Variants in TBCK observed in about 807,000 individuals in gnomAD.
TBCK encodes the protein TBC1 domain containing kinase, also known as TBC domain-containing protein kinase-like protein.
Under a neutral mutation model 113.4 loss-of-function variants are expected in TBCK, and 99 were observed. That is an observed-to-expected ratio of 0.87 (90% confidence interval 0.74 to 1.03). The LOEUF is 1.03. Ranked by LOEUF, TBCK falls within the 50% of genes least tolerant of loss-of-function variation. TBCK has a pLI of 0.00. For synonymous variants in TBCK, 369 were observed against 370.8 expected (o/e 1.00, Z 0.05); for missense variants, 1,045 against 1,061.3 (o/e 0.98, Z 0.21).
chr4:106,105,227 T>C (rs2149538730), intron 24 of TBCK, among the ~76,000 whole-genome samples: 1 of 152,262 alleles, frequency 6.6e-6, no homozygotes, highest in South Asian at 2.1e-4. Flanking sequence ...CCAAAACTCA[T>C]CACCAGACAG....
intron 23 of TBCK, among the ~76,000 whole-genome samples, chr4:106,150,633 T>G (rs574703922): frequency 6.6e-6 from 1 of 152,192 alleles, no homozygotes; most frequent in African/African-American, 2.4e-5. Flanking sequence ...AACTATATGC[T>G]AGGGGCTAAG....
intron 25 of TBCK, among the ~76,000 whole-genome samples, chr4:106,091,241 G>A (rs965531048): frequency 3.3e-5 from 5 of 152,218 alleles, no homozygotes; most frequent in Non-Finnish European, 5.9e-5. Context: ...CACATGGCAT[G>A]AGCAGGAACA....
chr4:106,280,708 CTT>C (rs1199461970), intron 3 of TBCK, among the ~76,000 whole-genome samples: 2 of 152,086 alleles, frequency 1.3e-5, no homozygotes, highest in Non-Finnish European at 2.9e-5. Flanking sequence ...AATTTATGCT[CTT>C]GACGCCTTTG....
At chr4:106,078,955 T>C (rs1738542113) in intron 25 of TBCK, among the ~76,000 whole-genome samples, 1 of 152,226 alleles carries the variant, frequency 6.6e-6, no homozygotes, top group African/African-American at 2.4e-5. Context: ...ATAGGCCATA[T>C]TCCTGGGATG....
intron 3 of TBCK, among the ~76,000 whole-genome samples, chr4:106,276,984 C>G (rs1261147918): frequency 6.6e-6 from 1 of 151,978 alleles, no homozygotes; most frequent in Non-Finnish European, 1.5e-5. Context: ...AGAGAATACA[C>G]AAAGAATGCC....
intron 23 of TBCK, among the ~76,000 whole-genome samples, chr4:106,135,047 T>C (rs971973410): frequency 6.6e-6 from 1 of 152,126 alleles, no homozygotes; most frequent in Non-Finnish European, 1.5e-5. Flanking sequence ...AAAATCGTCT[T>C]AATATCATCT....
intron 23 of TBCK, among the ~76,000 whole-genome samples, chr4:106,167,449 T>G (rs1750529469): frequency 6.6e-6 from 1 of 151,252 alleles, no homozygotes; most frequent in African/African-American, 2.4e-5. Context: ...CTAAAATCAA[T>G]GATCTAAGCT....
intron 3 of TBCK, among the ~76,000 whole-genome samples, chr4:106,294,667 G>A (rs977810341): frequency 1.3e-5 from 2 of 151,748 alleles, no homozygotes; most frequent in African/African-American, 4.8e-5. Context: ...ATTTTTAGTA[G>A]AGACAGGGTT....
intron 3 of TBCK, among the ~76,000 whole-genome samples, chr4:106,288,278 C>T (rs1437016977): frequency 6.6e-6 from 1 of 152,016 alleles, no homozygotes; most frequent in Non-Finnish European, 1.5e-5. Context: ...CCTGTAGTCC[C>T]AGCTACTCAG....
chr4:106,087,449 A>G (rs923358790), intron 25 of TBCK, among the ~76,000 whole-genome samples: 6 of 152,216 alleles, frequency 3.9e-5, no homozygotes, highest in Non-Finnish European at 8.8e-5. Flanking sequence ...AACAAATGAA[A>G]AAACATTCCA....
intron 12 of TBCK, 40 bp from the exon 13 acceptor site, chr4:106,236,848 T>G: frequency 8.2e-7 from 1 of 1,217,440 alleles, no homozygotes; most frequent in South Asian, 1.7e-5. Flanking sequence ...ATAAACATAT[T>G]GGGCAGAAAC....
intron 12 of TBCK, among the ~76,000 whole-genome samples, chr4:106,241,546 C>A (rs1314910219): frequency 6.6e-6 from 1 of 151,866 alleles, no homozygotes; most frequent in African/African-American, 2.4e-5. Flanking sequence ...ATTAGAAAAA[C>A]AGGCCAACAA....
rs375612789 is a variant in TBCK, at chr4:106,159,074, CA to C, written c.2235+12020del. On this transcript the variant is annotated intron_variant, in intron 23 of 25. Coordinates refer to ENST00000394708, the MANE Select transcript of TBCK (RefSeq NM_001163435.3). ...ACCACATGATCATCTAAATTGATAC[CA>C]AAAAAAGAACAAAATCAAACTGTTT... is the stretch of plus-strand genomic sequence containing the variant. Among the ~76,000 whole-genome samples, 25 of 148,556 alleles carry C rather than the reference CA, an allele frequency of 1.7e-4. No individual in the cohort carries two copies. The East Asian group carries it at 3.9e-3, about 23-fold the overall frequency.
intron 12 of TBCK, chr4:106,238,503 T>A (rs1426553976): frequency 6.6e-6 from 1 of 152,008 alleles, no homozygotes; most frequent in East Asian, 1.9e-4. Context: ...GGAACCTACA[T>A]AACAGACCTT....
chr4:106,231,807 G>A, intron 17 of TBCK, 28 bp from the exon 18 acceptor site: 1 of 1,590,608 alleles, frequency 6.3e-7, no homozygotes, highest in Non-Finnish European at 8.6e-7. Flanking sequence ...GGAGAAAGAA[G>A]TCAAATAAAT....
chr4:106,210,744 G>A (rs1756034710), intron 20 of TBCK, among the ~76,000 whole-genome samples: 2 of 151,916 alleles, frequency 1.3e-5, no homozygotes, highest in Non-Finnish European at 2.9e-5. Context: ...ATTTAAAGAG[G>A]GTGGAAAAGT....
At chr4:106,267,531 C>A (rs1266618568) in intron 3 of TBCK, among the ~76,000 whole-genome samples, 2 of 151,814 alleles carry the variant, frequency 1.3e-5, no homozygotes, top group East Asian at 3.9e-4. Context: ...TTTCCTTTGT[C>A]TTCAAAGAAA....
At chr4:106,314,362 ACT>A (rs1208941008) in intron 1 of TBCK, among the ~76,000 whole-genome samples, 1 of 152,122 alleles carries the variant, frequency 6.6e-6, no homozygotes, top group African/African-American at 2.4e-5. Flanking sequence ...TATGATTATG[ACT>A]CTTCCAAAAT....
chr4:106,107,513 T>C (rs777361747), intron 24 of TBCK, among the ~76,000 whole-genome samples: 1 of 152,086 alleles, frequency 6.6e-6, no homozygotes, highest in Non-Finnish European at 1.5e-5. Context: ...ACATAGAAAT[T>C]AAACAACATG....
Sources: gnomAD v4.1 joint callset for allele counts (sites outside exome capture counted in the v4.1 genomes callset) on GRCh38, gnomAD v4.1.1 for gene constraint, MANE v1.5 for transcripts, NCBI Gene and HGNC (gene_info 2026-07-23, HGNC 2026-07-21) for gene names.